Variants in CTSC observed in about 807,000 individuals in gnomAD.
CTSC encodes the protein cathepsin C.
CTSC carries 37 observed loss-of-function variants against 40.9 expected under a neutral mutation model. That is an observed-to-expected ratio of 0.91 (90% CI 0.70 to 1.19). The LOEUF (loss-of-function observed/expected upper bound fraction) is 1.19. Among genes scored for constraint, CTSC ranks in the 50% most tolerant of loss-of-function variants. The pLI, the probability that CTSC is intolerant of heterozygous loss-of-function variation, is 0.00. For missense variants in CTSC, 594 were observed against 567.3 expected (o/e 1.05, Z -0.48); for synonymous variants, 232 against 207.4 (o/e 1.12, Z -1.02).
In CTSC at chr11:88,312,424, T is replaced by C. The variant is rs1036551435; in HGVS notation, c.449A>G (p.Tyr150Cys). 4 of 1,614,028 alleles carry C rather than the reference T, an allele frequency of 2.5e-6. No individual in the cohort carries two copies. In the African/African-American group the frequency reaches 4.0e-5, roughly 16 times the overall value. The change falls in exon 3 of 7, where the codon TAT becomes TGT. Residue 150 changes from tyrosine (Y) to cysteine (C), a missense_variant. Coordinates refer to ENST00000227266, the MANE Select transcript of CTSC (RefSeq NM_001814.6). ...KKVGTASENV[Y>C]VNIAHLKNSQ... ...ATTCTTAAGGTGTGCTATGTTGACA[T>C]ACACATTCTCAGAGGCAGTTCCCAC...
chr11:88,325,020 A>G (rs1938141836), intron 2 of CTSC: 1 of 985,360 alleles, frequency 1.0e-6, no homozygotes, highest in Non-Finnish European at 1.2e-6. Flanking sequence ...CAGAAATGCA[A>G]GAGAGGAAAG....
intron 2 of CTSC, chr11:88,325,651 T>TTA (rs1056667779): frequency 6.0e-5 from 59 of 984,942 alleles, no homozygotes; most frequent in Non-Finnish European, 7.0e-5. Flanking sequence ...CTTTTGTAGC[T>TTA]TATAGTATGT....
rs779183351 is a variant in CTSC, at chr11:88,335,097, A to T, written c.173-15T>A. 5 of 1,562,810 alleles carry T rather than the reference A, an allele frequency of 3.2e-6. No homozygotes were observed. The highest frequency in any genetic ancestry group is 3.5e-6 in the Non-Finnish European group (4 of 1,139,954). ...TTCTTGTGGTCCTAAAGAAAAAAAAAAAAAGCACAATAAAGGAAAATTATT... is the reference window on the plus strand; with the variant it reads ...TTCTTGTGGTCCTAAAGAAAAAAAATAAAAGCACAATAAAGGAAAATTATT... On this transcript the variant is annotated splice_polypyrimidine_tract_variant and intron_variant, in intron 1 of 6. Coordinates refer to ENST00000227266, the MANE Select transcript of CTSC (RefSeq NM_001814.6).
At chr11:88,330,402 G>T (rs946030678) in intron 2 of CTSC, among the ~76,000 whole-genome samples, 3 of 152,102 alleles carry the variant, frequency 2.0e-5, no homozygotes, top group Admixed American at 2.0e-4. Context: ...AGGCTGGAGT[G>T]CAATGGTGTG....
At chr11:88,316,110 T>C (rs966059018) in intron 2 of CTSC, among the ~76,000 whole-genome samples, 2 of 152,192 alleles carry the variant, frequency 1.3e-5, no homozygotes, top group Admixed American at 6.5e-5. Context: ...GCAGTCCTCA[T>C]AGGTGTTCTC....
intron 2 of CTSC, among the ~76,000 whole-genome samples, chr11:88,332,760 G>C (rs1938395447): frequency 6.6e-6 from 1 of 152,092 alleles, no homozygotes. Flanking sequence ...TTGTCAAATG[G>C]GCACTTTAAA....
chr11:88,304,466 C>T (rs1484225328), intron 4 of CTSC, among the ~76,000 whole-genome samples: 1 of 152,090 alleles, frequency 6.6e-6, no homozygotes, highest in East Asian at 1.9e-4. Context: ...CAGAGATTTG[C>T]CCATCATTGC....
Position 88,300,598 on chromosome 11 carries a change from T to C in CTSC, c.689A>G (p.His230Arg). The stretch of plus-strand genomic sequence containing the variant: ...TCTCCAGTCCCAAGATGTTGGCAAA[T>C]GCAAAATCTTTTGCTGTATTTCAGC... ...LTAEIQQKIL[H>R]LPTSWDWRNV... is the part of the protein sequence containing the mutation. The change falls in exon 5 of 7, where the codon CAT becomes CGT. Residue 230 changes from histidine (H) to arginine (R), a missense_variant. Transcript: ENST00000227266. The C allele has an allele frequency of 6.2e-7, 1 of 1,613,976 alleles. No individual in the cohort carries two copies. The highest frequency in any genetic ancestry group is 2.2e-5 in the East Asian group (1 of 44,870).
intron 2 of CTSC, chr11:88,323,757 TGA>T (rs1565261139): frequency 6.6e-6 from 1 of 151,902 alleles, no homozygotes; most frequent in African/African-American, 2.4e-5. Context: ...CTCAAGGAAA[TGA>T]GAGAGGACAC....
rs764436172 is a variant in CTSC at position 88,312,405 on chromosome 11, A to G, written c.468T>C (p.Leu156=). ...CAACTCACTTTTCCTGAGAATTCTT[A>G]AGGTGTGCTATGTTGACATACACAT... is the stretch of plus-strand genomic sequence containing the variant. ...SENVYVNIAH[L]KNSQEKYSNR... Residue 156 remains leucine (L), a synonymous_variant, in exon 3 of 7, where the codon CTT becomes CTC. Transcript: ENST00000227266. 2 of 1,614,154 alleles carry G rather than the reference A, an allele frequency of 1.2e-6. No homozygotes were observed. Among genetic ancestry groups the G allele is most frequent in the East Asian group, 4.5e-5 (2 of 44,870 alleles).
At chr11:88,319,318 T>C (rs11019299) in intron 2 of CTSC, among the ~76,000 whole-genome samples, 43,389 of 151,852 alleles carry the variant, frequency 0.29, 7,432 homozygotes, top group Non-Finnish European at 0.4. Flanking sequence ...CACTATAATA[T>C]TTTTTTTAGT....
chr11:88,326,315 C>A, intron 2 of CTSC: 1 of 1,613,474 alleles, frequency 6.2e-7, no homozygotes, highest in East Asian at 2.2e-5. Context: ...GGGACTGTAG[C>A]TGCTAGAGGC....
chr11:88,319,298 A>T (rs1049540314), intron 2 of CTSC, among the ~76,000 whole-genome samples: 1 of 152,220 alleles, frequency 6.6e-6, no homozygotes, highest in Non-Finnish European at 1.5e-5. Context: ...ATGTTTTGAA[A>T]TGGTTCCATC....
intron 4 of CTSC, among the ~76,000 whole-genome samples, chr11:88,304,782 A>C (rs1305610533): frequency 6.6e-6 from 1 of 152,152 alleles, no homozygotes; most frequent in African/African-American, 2.4e-5. Flanking sequence ...CTACACTCCC[A>C]CCAGCACCAT....
chr11:88,295,596 G>A (rs1490696686), intron 6 of CTSC, among the ~76,000 whole-genome samples: 1 of 151,998 alleles, frequency 6.6e-6, no homozygotes, highest in Non-Finnish European at 1.5e-5. Flanking sequence ...GCCCAGGCTG[G>A]TCTCAAACTC....
At chr11:88,325,660 G>C (rs373863469) in intron 2 of CTSC, 1 of 984,890 alleles carries the variant, frequency 1.0e-6, no homozygotes, top group African/African-American at 1.7e-5. Flanking sequence ...CTTATAGTAT[G>C]TCAACTTCTT....
chr11:88,306,346 C>T (rs1937631904), intron 4 of CTSC, among the ~76,000 whole-genome samples: 1 of 152,124 alleles, frequency 6.6e-6, no homozygotes, highest in African/African-American at 2.4e-5. Context: ...GCAAAGGCCC[C>T]ACCCTCAAGC....
chr11:88,303,301 G>A (rs1165869299), intron 4 of CTSC, among the ~76,000 whole-genome samples: 1 of 152,104 alleles, frequency 6.6e-6, no homozygotes, highest in African/African-American at 2.4e-5. Context: ...ACTTAGAGAT[G>A]GCATCAGATC....
rs868496131 is a variant in CTSC, at chr11:88,325,258, A to G, written c.318+9679T>C. ...TTACAAAGCTCTTCTACCAATTTCCAAACTACAAACTGAAGGAGAAGGTAA... is the reference window on the plus strand; with the variant it reads ...TTACAAAGCTCTTCTACCAATTTCCGAACTACAAACTGAAGGAGAAGGTAA... On this transcript the variant is annotated intron_variant, in intron 2 of 6. Transcript: ENST00000227266. 4 of 985,422 alleles carry G rather than the reference A, an allele frequency of 4.1e-6. No individual in the cohort carries two copies. In the African/African-American group the frequency reaches 7.0e-5, roughly 17 times the overall value. The allele number at this position is 985,422 out of a possible 1,614,324, so 61.0% of individuals were successfully genotyped here.
Sources: gnomAD v4.1 joint callset for allele counts (sites outside exome capture counted in the v4.1 genomes callset) on GRCh38, gnomAD v4.1.1 for gene constraint, MANE v1.5 for transcripts, NCBI Gene and HGNC (gene_info 2026-07-23, HGNC 2026-07-21) for gene names.